The following TMPRSS2 variants were observed in gnomAD, a reference collection of about 807,000 sequenced individuals.
TMPRSS2 encodes the protein transmembrane serine protease 2.
In TMPRSS2, 59 loss-of-function variants were observed where a neutral mutation model predicts 67.4. The observed-to-expected ratio is 0.88, with a 90% confidence interval of 0.71 to 1.09. The LOEUF (loss-of-function observed/expected upper bound fraction) is 1.09, where lower values mean the gene tolerates loss of function less well. Ranked by LOEUF, TMPRSS2 falls within the 50% of genes least tolerant of loss-of-function variation. The pLI is 0.00. For synonymous variants in TMPRSS2, 257 were observed against 257.0 expected (o/e 1.00, Z 0.00); for missense variants, 668 against 642.7 (o/e 1.04, Z -0.43).
At chr21:41,479,092 C>T (rs1266365072) in intron 7 of TMPRSS2, 80 bp downstream of exon 7, 3 of 1,119,084 alleles carry the variant, frequency 2.7e-6, no homozygotes, top group African/African-American at 3.1e-5. Context: ...TCAGAGAAAT[C>T]AGACTCAGGA....
At chr21:41,501,748 C>T (rs2091426097) in intron 1 of TMPRSS2, among the ~76,000 whole-genome samples, 2 of 152,096 alleles carry the variant, frequency 1.3e-5, no homozygotes, top group Non-Finnish European at 2.9e-5. Flanking sequence ...CAGGAAATCA[C>T]ATTCAGTCCT....
intron 5 of TMPRSS2, 123 bp from the exon 6 acceptor site, chr21:41,480,725 G>A (rs761050917): frequency 3.0e-5 from 41 of 1,370,092 alleles, no homozygotes; most frequent in Middle Eastern, 2.5e-4. Context: ...TGCAGCCTCC[G>A]CCTCCCAGGT....
chr21:41,468,166 G>A, intron 12 of TMPRSS2: 1 of 618,474 alleles, frequency 1.6e-6, no homozygotes. Context: ...TGTTCCACTG[G>A]CACTTTTACC....
At position 41,496,812 on chromosome 21, in the gene TMPRSS2, C is replaced by T. The variant is rs184500277; in HGVS notation, c.15+1307G>A. Among the ~76,000 whole-genome samples the T allele has an allele frequency of 1.8e-4, 26 of 146,276 alleles. No homozygotes were observed. In the East Asian group the frequency reaches 4.2e-3, roughly 24 times the overall value. Reference sequence around the variant, plus strand: ...ACTTTTTCCTATTCATTAATTTCTGCCTCTTGTCTCTCTCTCCTTTTTTTT... The same window carrying T: ...ACTTTTTCCTATTCATTAATTTCTGTCTCTTGTCTCTCTCTCCTTTTTTTT... On this transcript the variant is annotated intron_variant, in intron 2 of 13. Transcript: ENST00000332149.
chr21:41,475,713 GT>G, intron 8 of TMPRSS2, among the ~76,000 whole-genome samples: 1 of 115,396 alleles, frequency 8.7e-6, no homozygotes, highest in South Asian at 3.5e-4. Flanking sequence ...TGAATGAGAG[GT>G]TGAGGGGGTG....
chr21:41,488,731 G>A (rs1485390658), intron 4 of TMPRSS2, among the ~76,000 whole-genome samples: 1 of 152,172 alleles, frequency 6.6e-6, no homozygotes, highest in African/African-American at 2.4e-5. Flanking sequence ...TCCAACTCCT[G>A]GGTTCAAGTG....
chr21:41,505,942 C>T (rs894722680), intron 1 of TMPRSS2, among the ~76,000 whole-genome samples: 4 of 152,216 alleles, frequency 2.6e-5, no homozygotes, highest in African/African-American at 9.7e-5. Flanking sequence ...TTACAGGTTA[C>T]AAGATCTTGG....
At chr21:41,496,652 G>A (rs983396497) in intron 2 of TMPRSS2, among the ~76,000 whole-genome samples, 15 of 151,458 alleles carry the variant, frequency 9.9e-5, no homozygotes, top group Middle Eastern at 3.4e-3. Flanking sequence ...GTCAAGACTC[G>A]CCCCAAACAG....
At position 41,507,876 on chromosome 21, in the gene TMPRSS2, C is replaced by G. The variant is rs996566672; in HGVS notation, c.-57+205G>C. 34 of 1,468,976 alleles carry G rather than the reference C, an allele frequency of 2.3e-5. No homozygotes were observed. The African/African-American group carries it at 4.7e-4, about 20-fold the overall frequency. 91.0% of individuals were successfully genotyped at this position (1,468,976 alleles called of 1,614,324 possible). A position where few individuals can be genotyped will look rare whatever the true frequency, so the allele number is the denominator to read the frequency against. On this transcript the variant is annotated intron_variant, in intron 1 of 13. Transcript: ENST00000332149. ...GGCCGTGCGCAAGGGGTCCCAGGCG[C>G]CCAGCACTCTCCCAGCACCCCGGGA... is the stretch of plus-strand genomic sequence containing the variant.
chr21:41,475,362 T>G (rs1305313048), intron 8 of TMPRSS2, among the ~76,000 whole-genome samples: 5 of 9,238 alleles, frequency 5.4e-4, no homozygotes, highest in African/African-American at 1.9e-3. Context: ...CGTGAGGGGG[T>G]GAGGGAGTGA....
intron 1 of TMPRSS2, among the ~76,000 whole-genome samples, chr21:41,504,419 C>G (rs1410240380): frequency 6.6e-6 from 1 of 152,226 alleles, no homozygotes; most frequent in African/African-American, 2.4e-5. Context: ...TCAAACTTCA[C>G]TCTGTTTACA....
chr21:41,494,075 C>T (rs28369457), intron 3 of TMPRSS2, among the ~76,000 whole-genome samples: 3 of 152,340 alleles, frequency 2.0e-5, no homozygotes, highest in African/African-American at 4.8e-5. Flanking sequence ...AAGGTGATCT[C>T]GAAGCCTACG....
At chr21:41,467,128 C>T (rs1306643609) in intron 13 of TMPRSS2, among the ~76,000 whole-genome samples, 1 of 152,242 alleles carries the variant, frequency 6.6e-6, no homozygotes, top group Non-Finnish European at 1.5e-5. Flanking sequence ...GTGGTTCACA[C>T]TTGTAATCCC....
chr21:41,482,044 G>A (rs2091261093), intron 5 of TMPRSS2, among the ~76,000 whole-genome samples: 1 of 151,982 alleles, frequency 6.6e-6, no homozygotes, highest in African/African-American at 2.4e-5. Flanking sequence ...CTGGGTGACA[G>A]AGCAAAACTC....
intron 1 of TMPRSS2, among the ~76,000 whole-genome samples, chr21:41,504,980 T>TCAGGGAGTGCAGAGCAGGAGGGAC (rs557494549): frequency 1.5e-3 from 221 of 152,204 alleles, no homozygotes; most frequent in African/African-American, 4.5e-3. Flanking sequence ...TGAGGGACAC[T>TCAGGGAGTGCAGAGCAGGAGGGAC]CAGGGAGTGC....
At chr21:41,494,205 A>G in intron 3 of TMPRSS2, 151 bp downstream of exon 3, 1 of 827,546 alleles carries the variant, frequency 1.2e-6, no homozygotes, top group Non-Finnish European at 1.9e-6. Context: ...GAGAGTGGAA[A>G]GGCATGAAGA....
chr21:41,470,751 A>G lies in TMPRSS2; in HGVS notation c.1076-8T>C. 6.2e-7 allele frequency: 1 copy of G among 1,612,692 alleles called. No homozygotes were observed. The highest frequency in any genetic ancestry group is 8.5e-7 in the Non-Finnish European group (1 of 1,179,794). On this transcript the variant is annotated splice_region_variant and splice_polypyrimidine_tract_variant and intron_variant, in intron 10 of 13. Transcript: ENST00000332149. ...ACACTGGTTTCACTAGGTCTGTTTC[A>G]AGAAGAGAAAACACAGTGAGCCAGG...
At chr21:41,491,398 C>T (rs1205508902) in intron 3 of TMPRSS2, among the ~76,000 whole-genome samples, 2 of 152,068 alleles carry the variant, frequency 1.3e-5, no homozygotes, top group African/African-American at 2.4e-5. Flanking sequence ...CCACTCGCCT[C>T]AGCCTCTCAA....
At position 41,468,066 on chromosome 21, in the gene TMPRSS2, T is replaced by C. The variant is rs149855493; in HGVS notation, c.1315-180A>G. On this transcript the variant is annotated intron_variant, in intron 12 of 13. Coordinates refer to ENST00000332149, the MANE Select transcript of TMPRSS2 (RefSeq NM_005656.4). ...AACAGAGATGTAACCCCCAAAGAGA[T>C]AGCCCCCATCCTGAATTTTAATCTG... is the stretch of plus-strand genomic sequence containing the variant. 1.4e-3 allele frequency: 925 copies of C among 654,350 alleles called. 6 individuals are homozygous for C. In the African/African-American group the frequency reaches 0.015, roughly 11 times the overall value. 40.5% of individuals were successfully genotyped at this position (654,350 alleles called of 1,614,324 possible).
Sources: allele counts gnomAD v4.1 joint callset (sites outside exome capture counted in the v4.1 genomes callset), GRCh38; gene constraint gnomAD v4.1.1; transcripts MANE v1.5; gene names NCBI Gene and HGNC (gene_info 2026-07-23, HGNC 2026-07-21).